Variants in RAE1 observed in about 807,000 individuals in gnomAD.
RAE1 encodes the protein ribonucleic acid export 1, also known as mRNA export factor RAE1.
A neutral mutation model predicts 52.7 loss-of-function variants in RAE1; 13 were observed. That is an observed-to-expected ratio of 0.25 (90% CI 0.16 to 0.39). The LOEUF is 0.39. RAE1 is among the 10% of genes least tolerant of loss of function. The pLI, the probability that RAE1 is intolerant of heterozygous loss-of-function variation, is 1.00. For missense variants in RAE1, 262 were observed against 459.8 expected (o/e 0.57, Z 3.93); for synonymous variants, 164 against 153.1 (o/e 1.07, Z -0.52).
chr20:57,365,174 G>A (rs2066937489), intron 4 of RAE1, among the ~76,000 whole-genome samples, 182 bp from the exon 5 acceptor site: 1 of 152,174 alleles, frequency 6.6e-6, no homozygotes, highest in Admixed American at 6.5e-5. Flanking sequence ...AGTCAATCAT[G>A]AAATAGATGA....
intron 1 of RAE1, among the ~76,000 whole-genome samples, chr20:57,352,256 G>A (rs2146121548): frequency 6.6e-6 from 1 of 152,312 alleles, no homozygotes; most frequent in South Asian, 2.1e-4. Flanking sequence ...TCAAATTTGG[G>A]ACATTTTCAT....
intron 1 of RAE1, chr20:57,351,732 C>T (rs2066712549): frequency 1.1e-5 from 11 of 985,416 alleles, no homozygotes; most frequent in South Asian, 4.7e-5. Context: ...TACATGTCAG[C>T]TCCTGGGAGA....
chr20:57,351,431 C>A lies in RAE1; in HGVS notation c.-8+9C>A. 6.1e-6 allele frequency: 6 copies of A among 985,478 alleles called. No individual in the cohort carries two copies. The highest frequency in any genetic ancestry group is 6.0e-6 in the Non-Finnish European group (5 of 829,978). 61.0% of individuals were successfully genotyped at this position (985,478 alleles called of 1,614,324 possible). A position where few individuals can be genotyped will look rare whatever the true frequency, so the allele number is the denominator to read the frequency against. On this transcript the variant is annotated intron_variant, in intron 1 of 11. Transcript: ENST00000395841. ...CGGGGCGAGACCCCCAGGTAGGCCC[C>A]GTGCCGCGCGCGTCCCGTCGTTAAC... is the stretch of plus-strand genomic sequence containing the variant.
intron 11 of RAE1, among the ~76,000 whole-genome samples, chr20:57,376,270 C>G (rs2067113304): frequency 6.6e-6 from 1 of 152,148 alleles, no homozygotes; most frequent in South Asian, 2.1e-4. Context: ...TATTGAGGTA[C>G]AATTGAAATA....
In RAE1 at chr20:57,378,319, G is replaced by A; in HGVS notation, c.*220G>A. 1 of 509,560 alleles carries A rather than the reference G, an allele frequency of 2.0e-6. No homozygotes were observed. Among genetic ancestry groups the A allele is most frequent in the Non-Finnish European group, 3.5e-6 (1 of 284,098 alleles). 31.6% of individuals were successfully genotyped at this position (509,560 alleles called of 1,614,324 possible). ...TTGCAGAGTTTTTCTGTAACTAAGG[G>A]GGTTGAGGTTATTGTAGACGTTAGA... On this transcript the variant is annotated 3_prime_UTR_variant, in exon 12 of 12. Transcript: ENST00000395841.
At chr20:57,358,737 C>A in intron 4 of RAE1, 1 of 366,144 alleles carries the variant, frequency 2.7e-6, no homozygotes, top group South Asian at 8.3e-5. Flanking sequence ...TAGGATTGCG[C>A]TGTTATCCCT....
At chr20:57,355,991 A>G (rs1403402162) in intron 3 of RAE1, among the ~76,000 whole-genome samples, 1 of 152,262 alleles carries the variant, frequency 6.6e-6, no homozygotes, top group Non-Finnish European at 1.5e-5. Context: ...GACTAAGAGC[A>G]CACAGAACCA....
Position 57,374,733 on chromosome 20 carries a change from A to G in RAE1, c.952A>G (p.Ile318Val). Reference sequence around the variant, plus strand: ...AACTTCGGAACAGTTAGATCAGCCCATCTCAGCTTGCTGTTTCAATCACAA... The same window carrying G: ...AACTTCGGAACAGTTAGATCAGCCCGTCTCAGCTTGCTGTTTCAATCACAA... ...LKTSEQLDQP[I>V]SACCFNHNGN... Residue 318 changes from isoleucine (I) to valine (V), a missense_variant, in exon 11 of 12, where the codon ATC becomes GTC. Transcript: ENST00000395841. 2.5e-6 allele frequency: 4 copies of G among 1,614,240 alleles called. No individual in the cohort carries two copies. Among genetic ancestry groups the G allele is most frequent in the Non-Finnish European group, 3.4e-6 (4 of 1,180,038 alleles).
intron 4 of RAE1, among the ~76,000 whole-genome samples, chr20:57,363,521 TATCTG>T (rs2066916816): frequency 6.6e-6 from 1 of 151,924 alleles, no homozygotes; most frequent in African/African-American, 2.4e-5. Flanking sequence ...TAAAAAAAAT[TATCTG>T]AGTGTGATGG....
At chr20:57,371,609 G>A (rs902934583) in intron 8 of RAE1, 1 of 152,128 alleles carries the variant, frequency 6.6e-6, no homozygotes, top group African/African-American at 2.4e-5. Context: ...TGCACTGTTG[G>A]GGGGATGCAA....
rs1442676717 is a variant in RAE1 at position 57,374,550 on chromosome 20, G to A, written c.826-57G>A. On this transcript the variant is annotated intron_variant, in intron 10 of 11. Coordinates refer to ENST00000395841, the MANE Select transcript of RAE1 (RefSeq NM_003610.4). ...ACTCAAGCAGGAAGTGTGCGTGGGT[G>A]GAACCTTCTCTGCGCCCCTCTGCCT... 5 of 1,497,446 alleles carry A rather than the reference G, an allele frequency of 3.3e-6. No individual in the cohort carries two copies. In the African/African-American group the frequency reaches 4.2e-5, roughly 12 times the overall value. 92.8% of individuals were successfully genotyped at this position (1,497,446 alleles called of 1,614,324 possible).
intron 8 of RAE1, among the ~76,000 whole-genome samples, chr20:57,370,296 C>CCT (rs767626914): frequency 6.6e-6 from 1 of 152,236 alleles, no homozygotes; most frequent in Non-Finnish European, 1.5e-5. Context: ...GGACACCCAT[C>CCT]CTCTTACTGG....
intron 8 of RAE1, among the ~76,000 whole-genome samples, chr20:57,370,940 A>T (rs766111702): frequency 6.6e-6 from 1 of 152,190 alleles, no homozygotes; most frequent in South Asian, 2.1e-4. Context: ...TTCACAGCCC[A>T]TTCAATGGGA....
intron 4 of RAE1, among the ~76,000 whole-genome samples, chr20:57,361,243 A>G (rs2066887972): frequency 6.6e-6 from 1 of 152,206 alleles, no homozygotes; most frequent in Admixed American, 6.5e-5. Flanking sequence ...CTGGGGCAGC[A>G]CTTTCAGAGG....
At chr20:57,367,719 G>A (rs1437241044) in intron 7 of RAE1, among the ~76,000 whole-genome samples, 2 of 139,536 alleles carry the variant, frequency 1.4e-5, no homozygotes, top group Non-Finnish European at 3.0e-5. Context: ...CAGCCTTGGT[G>A]ATAGAGTGAG....
chr20:57,374,467 C>T (rs1033150904), intron 10 of RAE1, 140 bp from the exon 11 acceptor site: 17 of 814,266 alleles, frequency 2.1e-5, no homozygotes, highest in Non-Finnish European at 4.0e-6. Flanking sequence ...TGGATAGTTT[C>T]TCTTGCTATC....
At chr20:57,362,282 G>A (rs2066901316) in intron 4 of RAE1, among the ~76,000 whole-genome samples, 2 of 152,336 alleles carry the variant, frequency 1.3e-5, no homozygotes. Flanking sequence ...CAGTAGCAAG[G>A]ATCAGCTTCT....
Position 57,356,492 on chromosome 20 carries a change from C to T in RAE1, c.242C>T (p.Ala81Val), listed in dbSNP as rs868272874. 2 of 1,613,424 alleles carry T rather than the reference C, an allele frequency of 1.2e-6. No homozygotes were observed. The highest frequency in any genetic ancestry group is 1.1e-5 in the South Asian group (1 of 90,938). ...VQDSGQTIPKAQQMHTGPVLD... is the reference protein window; with the variant it reads ...VQDSGQTIPKVQQMHTGPVLD... Reference sequence around the variant, plus strand: ...GACAGTGGACAGACCATTCCAAAAGCCCAGCAGATGCACACTGGGCCTGTG... The same window carrying T: ...GACAGTGGACAGACCATTCCAAAAGTCCAGCAGATGCACACTGGGCCTGTG... Residue 81 changes from alanine to valine, a missense_variant, in exon 4 of 12, where the codon GCC becomes GTC. Coordinates refer to ENST00000395841, the MANE Select transcript of RAE1 (RefSeq NM_003610.4).
intron 3 of RAE1, 27 bp downstream of exon 3, chr20:57,354,843 A>G: frequency 6.7e-7 from 1 of 1,503,718 alleles, no homozygotes; most frequent in East Asian, 2.4e-5. Context: ...TACGTGTTCT[A>G]GAAATCATCT....
Sources: gnomAD v4.1 joint callset for allele counts (sites outside exome capture counted in the v4.1 genomes callset) on GRCh38, gnomAD v4.1.1 for gene constraint, MANE v1.5 for transcripts, NCBI Gene and HGNC (gene_info 2026-07-23, HGNC 2026-07-21) for gene names.